COL4A4: variants seen among roughly 807,000 people sequenced by gnomAD.
The protein encoded by COL4A4 is collagen type IV alpha 4 chain.
A neutral mutation model predicts 192.9 loss-of-function variants in COL4A4; 105 were observed. The ratio of observed to expected loss-of-function variants is 0.54; its 90% CI spans 0.46 to 0.64. COL4A4 has a LOEUF of 0.64. Ranked by LOEUF, COL4A4 falls within the 30% of genes least tolerant of loss-of-function variation. The pLI is 0.00. For missense variants in COL4A4, 1,967 were observed against 2,169.3 expected (o/e 0.91, Z 1.85); for synonymous variants, 762 against 769.9 (o/e 0.99, Z 0.17).
rs1445374864 is a variant in COL4A4, at chr2:227,069,798, C to T, written c.1988-7200G>A. ...AAAACCTAGGCATTACCATTCAGGA[C>T]ATAGGCATGGGCAAGGACTTCATGT... is the stretch of plus-strand genomic sequence containing the variant. On this transcript the variant is annotated intron_variant, in intron 25 of 47. Coordinates refer to ENST00000396625, the MANE Select transcript of COL4A4 (RefSeq NM_000092.5). Among the ~76,000 whole-genome samples the T allele has an allele frequency of 7.3e-5, 11 of 150,606 alleles. 1 individual carries two copies. The South Asian group carries it at 2.3e-3, about 32-fold the overall frequency.
At chr2:227,093,991 G>A in intron 20 of COL4A4, 134 bp downstream of exon 20, 1 of 792,850 alleles carries the variant, frequency 1.3e-6, no homozygotes, top group Non-Finnish European at 2.0e-6. Context: ...TTATTTGTTT[G>A]TAAAAGACAA....
chr2:227,160,107 A>G (rs1374939180), intron 1 of COL4A4, among the ~76,000 whole-genome samples: 1 of 152,136 alleles, frequency 6.6e-6, no homozygotes, highest in Non-Finnish European at 1.5e-5. Context: ...GAGGTGAGGA[A>G]GTCTGTATAG....
At chr2:227,146,648 G>T (rs2063568412) in intron 2 of COL4A4, among the ~76,000 whole-genome samples, 1 of 152,186 alleles carries the variant, frequency 6.6e-6, no homozygotes, top group Admixed American at 6.5e-5. Context: ...GAACCAAGGT[G>T]TTGGCAGAGC....
At chr2:226,984,051 G>A in the COL4A4 span, among the ~76,000 whole-genome samples, 2 of 152,136 alleles carry the variant, frequency 1.3e-5, no homozygotes, top group Admixed American at 6.5e-5. Context: ...TGCTGTCTCC[G>A]GCAATTATGA....
intron 7 of COL4A4, among the ~76,000 whole-genome samples, chr2:227,117,922 A>C (rs1168212748): frequency 6.6e-6 from 1 of 152,248 alleles, no homozygotes; most frequent in East Asian, 1.9e-4. Context: ...AAAGATAAAA[A>C]CTACATTGCC....
chr2:226,979,645 C>G, the COL4A4 span, among the ~76,000 whole-genome samples: 1 of 152,188 alleles, frequency 6.6e-6, no homozygotes, highest in Non-Finnish European at 1.5e-5. Context: ...ACCCTTCTAC[C>G]GTCTGCCCTG....
chr2:227,087,088 G>A (rs1004418423), intron 22 of COL4A4, among the ~76,000 whole-genome samples: 1 of 152,116 alleles, frequency 6.6e-6, no homozygotes, highest in African/African-American at 2.4e-5. Flanking sequence ...AATAAGGAGG[G>A]GACAGAGGGC....
At chr2:227,144,607 T>G (rs200771129) in intron 2 of COL4A4, 49 bp from the exon 3 acceptor site, 26 of 1,441,574 alleles carry the variant, frequency 1.8e-5, no homozygotes, top group Admixed American at 6.8e-5. Context: ...TCTTTTCATG[T>G]GAAACAAAAA....
At chr2:227,021,813 A>T (rs1375226984) in intron 44 of COL4A4, among the ~76,000 whole-genome samples, 5 of 150,606 alleles carry the variant, frequency 3.3e-5, no homozygotes, top group Non-Finnish European at 7.4e-5. Flanking sequence ...CAACAGAGCA[A>T]GACTCCATCT....
chr2:227,100,840 T>C (rs1383467194), intron 17 of COL4A4, among the ~76,000 whole-genome samples: 5 of 151,670 alleles, frequency 3.3e-5, no homozygotes, highest in Non-Finnish European at 7.4e-5. Flanking sequence ...AGTCTCACTC[T>C]GTTGCCCAGG....
intron 44 of COL4A4, among the ~76,000 whole-genome samples, chr2:227,013,306 G>C (rs1964202249): frequency 6.6e-6 from 1 of 152,048 alleles, no homozygotes; most frequent in Admixed American, 6.5e-5. Flanking sequence ...CTCTGCCACA[G>C]AGTAGCCTGG....
intron 4 of COL4A4, among the ~76,000 whole-genome samples, chr2:227,127,521 A>G (rs2062161365): frequency 6.6e-6 from 1 of 152,246 alleles, no homozygotes; most frequent in Admixed American, 6.5e-5. Context: ...GCCTAAGTCT[A>G]GAATGTCTCT....
At chr2:227,023,172 G>A (rs1211959368) in intron 43 of COL4A4, among the ~76,000 whole-genome samples, 2 of 152,040 alleles carry the variant, frequency 1.3e-5, no homozygotes, top group Non-Finnish European at 2.9e-5. Context: ...TGGGCACGGT[G>A]GCTCACACCT....
At chr2:227,106,165 T>C (rs533859169) in intron 12 of COL4A4, among the ~76,000 whole-genome samples, 2 of 152,186 alleles carry the variant, frequency 1.3e-5, no homozygotes, top group South Asian at 4.1e-4. Context: ...TAACACAGTG[T>C]TGGTGTAGCA....
At chr2:227,076,063 A>G (rs2059009431) in intron 25 of COL4A4, among the ~76,000 whole-genome samples, 2 of 152,220 alleles carry the variant, frequency 1.3e-5, no homozygotes, top group Admixed American at 6.5e-5. Flanking sequence ...CATACTGCCC[A>G]AAGTAATTTA....
intron 43 of COL4A4, among the ~76,000 whole-genome samples, chr2:227,023,655 T>C (rs1966447110): frequency 6.6e-6 from 1 of 152,140 alleles, no homozygotes; most frequent in African/African-American, 2.4e-5. Context: ...CTGAATGCTT[T>C]TACTATTAAA....
intron 37 of COL4A4, among the ~76,000 whole-genome samples, chr2:227,038,964 T>C (rs190582722): frequency 1.3e-5 from 2 of 152,314 alleles, no homozygotes; most frequent in Admixed American, 6.5e-5. Context: ...TCTGAGCTGT[T>C]TGAAGTGAAA....
chr2:227,057,482 C>A lies in COL4A4; in HGVS notation c.2502G>T (p.Gly834=), dbSNP rs1354235410. The part of the protein sequence containing the change: ...PGHSCERGAP[G]IPGQPGLPGY... The stretch of plus-strand genomic sequence containing the variant: ...CAGGGAGTCCCGGTTGCCCTGGTAT[C>A]CCTGGAGCACCTCTTTCACAGGAAT... Residue 834 remains glycine (G), a synonymous_variant, in exon 29 of 48, where the codon GGG becomes GGT. Coordinates refer to ENST00000396625, the MANE Select transcript of COL4A4 (RefSeq NM_000092.5). 3 of 1,612,036 alleles carry A rather than the reference C, an allele frequency of 1.9e-6. No homozygotes were observed. Among genetic ancestry groups the A allele is most frequent in the African/African-American group, 1.3e-5 (1 of 74,914 alleles).
rs756485044 is a variant in COL4A4, at chr2:227,059,559, G to A, written c.2229C>T (p.Pro743=). 1 of 1,613,962 alleles carries A rather than the reference G, an allele frequency of 6.2e-7. No homozygotes were observed. Among genetic ancestry groups the A allele is most frequent in the Non-Finnish European group, 8.5e-7 (1 of 1,179,998 alleles). The change falls in exon 28 of 48, where the codon CCC becomes CCT. Residue 743 remains proline (P), a synonymous_variant. Coordinates refer to ENST00000396625, the MANE Select transcript of COL4A4 (RefSeq NM_000092.5). The part of the protein sequence containing the change: ...GGEKGSSPVG[P]PGPPGSPGVN... ...CTCCTGGTGAGCCGGGAGGGCCTGG[G>A]GGCCCAACAGGGGAGGACCCCTTTT...
Sources: allele counts gnomAD v4.1 joint callset (sites outside exome capture counted in the v4.1 genomes callset), GRCh38; gene constraint gnomAD v4.1.1; transcripts MANE v1.5; gene names NCBI Gene and HGNC (gene_info 2026-07-23, HGNC 2026-07-21).